The following CNN2 variants were observed in gnomAD, a reference collection of about 807,000 sequenced individuals.
The protein encoded by CNN2 is calponin 2.
In CNN2, 21 loss-of-function variants were observed where a neutral mutation model predicts 31.0. The ratio of observed to expected loss-of-function variants is 0.68; its 90% CI spans 0.48 to 0.98. The LOEUF (loss-of-function observed/expected upper bound fraction) is 0.98, where lower values mean the gene tolerates loss of function less well. CNN2 is among the 50% of genes least tolerant of loss of function. The pLI is 0.00. For synonymous variants in CNN2, 165 were observed against 179.6 expected (o/e 0.92, Z 0.65); for missense variants, 399 against 427.3 (o/e 0.93, Z 0.58).
chr19:1,035,220 G>GTA (rs2039561925), intron 4 of CNN2, among the ~76,000 whole-genome samples: 1 of 125,694 alleles, frequency 8.0e-6, no homozygotes, highest in African/African-American at 2.7e-5. Flanking sequence ...TGTAGACCGG[G>GTA]AGCGTGGGTG....
At chr19:1,028,143 T>C (rs887100098) in intron 1 of CNN2, among the ~76,000 whole-genome samples, 4 of 151,802 alleles carry the variant, frequency 2.6e-5, no homozygotes, top group African/African-American at 9.7e-5. Context: ...TCGTTCCAGC[T>C]GCCCAGGGCC....
Position 1,031,134 on chromosome 19 carries a change from G to C in CNN2, c.127G>C (p.Gly43Arg). ...CCGCACCTGGATCGAGGGACTCACC[G>C]GCCTCTCCATCGGCCCCGACTTCCA... ...ELRTWIEGLT[G>R]LSIGPDFQKG... Residue 43 changes from glycine to arginine, a missense_variant, in exon 2 of 7, where the codon GGC (glycine) becomes CGC (arginine). By Grantham distance (125) the Gly-to-Arg change is moderately radical. Transcript: ENST00000263097. The C allele has an allele frequency of 4.3e-6, 7 of 1,613,300 alleles. No individual in the cohort carries two copies. Among genetic ancestry groups the C allele is most frequent in the Non-Finnish European group, 5.9e-6 (7 of 1,179,882 alleles).
At chr19:1,026,781 G>C in intron 1 of CNN2, 57 bp downstream of exon 1, 1 of 1,493,134 alleles carries the variant, frequency 6.7e-7, no homozygotes, top group Non-Finnish European at 9.0e-7. Context: ...CGCTCCGACC[G>C]GTGCAGGAGC....
chr19:1,030,191 C>T (rs138963065), intron 1 of CNN2, among the ~76,000 whole-genome samples: 1 of 152,164 alleles, frequency 6.6e-6, no homozygotes, highest in South Asian at 2.1e-4. Flanking sequence ...GCCCATTCCC[C>T]ACGGCGGTGT....
At chr19:1,031,723 C>T (rs1434770450) in intron 2 of CNN2, among the ~76,000 whole-genome samples, 1 of 150,380 alleles carries the variant, frequency 6.6e-6, no homozygotes, top group Non-Finnish European at 1.5e-5. Context: ...CAAGTGATTC[C>T]CCTGCCTCAG....
At position 1,031,196 on chromosome 19, in the gene CNN2, A is replaced by T. The variant is rs1373257204; in HGVS notation, c.185+4A>T. ...AGGATGGAACTATCTTATGCACGTGAGTACACGCAGGGACACAGGCTGTCT... is the reference window on the plus strand; with the variant it reads ...AGGATGGAACTATCTTATGCACGTGTGTACACGCAGGGACACAGGCTGTCT... On this transcript the variant is annotated splice_donor_region_variant and intron_variant, in intron 2 of 6. Coordinates refer to ENST00000263097, the MANE Select transcript of CNN2 (RefSeq NM_004368.4). 6.2e-7 allele frequency: 1 copy of T among 1,601,638 alleles called. No homozygotes were observed. The highest frequency in any genetic ancestry group is 8.5e-7 in the Non-Finnish European group (1 of 1,171,160).
At chr19:1,031,436 G>A (rs946684976) in intron 2 of CNN2, among the ~76,000 whole-genome samples, 1 of 150,616 alleles carries the variant, frequency 6.6e-6, no homozygotes, top group East Asian at 2.0e-4. Flanking sequence ...AATTAGCCAG[G>A]CACCTGTAAT....
intron 1 of CNN2, among the ~76,000 whole-genome samples, chr19:1,028,817 C>T (rs2039442604): frequency 6.6e-6 from 1 of 152,144 alleles, no homozygotes; most frequent in South Asian, 2.1e-4. Flanking sequence ...ACCCAGCAGC[C>T]ACCGTTCTCA....
chr19:1,026,773 C>T (rs947448868), intron 1 of CNN2, 49 bp downstream of exon 1: 8 of 1,528,888 alleles, frequency 5.2e-6, no homozygotes, highest in Non-Finnish European at 7.0e-6. Flanking sequence ...CCGTCGCACG[C>T]TCCGACCGGT....
intron 6 of CNN2, 158 bp downstream of exon 6, chr19:1,036,720 C>T (rs2039594125): frequency 1.2e-6 from 1 of 851,448 alleles, no homozygotes; most frequent in Non-Finnish European, 1.9e-6. Context: ...TCTGTCTCCG[C>T]CTTGGATTTC....
At chr19:1,036,659 C>T (rs776843387) in intron 6 of CNN2, 97 bp downstream of exon 6, 3 of 1,474,844 alleles carry the variant, frequency 2.0e-6, no homozygotes, top group South Asian at 1.1e-5. Context: ...TCTCTCCCCA[C>T]TCTCAGTCTC....
chr19:1,032,832 G>GC (rs2039521481), intron 4 of CNN2, 136 bp downstream of exon 4: 1 of 690,140 alleles, frequency 1.4e-6, no homozygotes, highest in Admixed American at 2.3e-5. Flanking sequence ...AGGCTGGAGT[G>GC]CAATGGCGTG....
At chr19:1,027,672 A>G (rs2039420565) in intron 1 of CNN2, among the ~76,000 whole-genome samples, 1 of 152,118 alleles carries the variant, frequency 6.6e-6, no homozygotes, top group Non-Finnish European at 1.5e-5. Context: ...AGACCCACGG[A>G]CAGGACCGGG....
rs187241560 is a variant in CNN2, at chr19:1,033,529, A to G, written c.390+833A>G. On this transcript the variant is annotated intron_variant, in intron 4 of 6. Transcript: ENST00000263097. ...ATAATCATAACAAAAGTAATAAATA[A>G]GCTCTGAACTGGGAGAAATGCCTTG... 5.9e-5 allele frequency among the ~76,000 whole-genome samples: 9 copies of G among 152,368 alleles called. No homozygotes were observed. In the South Asian group the frequency reaches 1.0e-3, roughly 18 times the overall value.
chr19:1,032,047 G>A (rs959502353), intron 2 of CNN2, among the ~76,000 whole-genome samples: 2 of 151,896 alleles, frequency 1.3e-5, no homozygotes, highest in Admixed American at 6.6e-5. Context: ...GGACAACATG[G>A]TGAAACTCCA....
intron 1 of CNN2, among the ~76,000 whole-genome samples, chr19:1,028,699 C>G (rs946018767): frequency 1.0e-5 from 1 of 95,356 alleles, no homozygotes; most frequent in African/African-American, 3.9e-5. Context: ...GGCCGGGCAG[C>G]GGGGGGGCGG....
chr19:1,032,563 A>G lies in CNN2; in HGVS notation c.257A>G (p.Glu86Gly). The change falls in exon 4 of 7, where the codon GAA becomes GGA. Residue 86 changes from glutamate (E) to glycine (G), a missense_variant. Physicochemically the swap from Glu to Gly is moderately conservative, Grantham distance 98. Transcript: ENST00000263097. ...NRSMQNWHQL[E>G]NLSNFIKAMV... ...CCCTCTCCTGCCTCTTCCCAGCTAG[A>G]AAACCTGTCCAACTTCATCAAGGCC... 6.2e-7 allele frequency: 1 copy of G among 1,613,414 alleles called. No individual in the cohort carries two copies. Among genetic ancestry groups the G allele is most frequent in the Non-Finnish European group, 8.5e-7 (1 of 1,179,900 alleles).
intron 1 of CNN2, among the ~76,000 whole-genome samples, chr19:1,028,860 G>T (rs925076218): frequency 4.6e-5 from 7 of 152,112 alleles, no homozygotes; most frequent in Non-Finnish European, 7.4e-5. Context: ...GCGGGGCGGG[G>T]CTGCCCCCGG....
chr19:1,027,996 C>T (rs1802196179), intron 1 of CNN2, among the ~76,000 whole-genome samples: 1 of 152,138 alleles, frequency 6.6e-6, no homozygotes, highest in Non-Finnish European at 1.5e-5. Flanking sequence ...GTCCCCAGCC[C>T]GGGGCTCACG....
Sources: allele counts gnomAD v4.1 joint callset (sites outside exome capture counted in the v4.1 genomes callset), GRCh38; gene constraint gnomAD v4.1.1; transcripts MANE v1.5; gene names NCBI Gene and HGNC (gene_info 2026-07-23, HGNC 2026-07-21).